ACSL1: variants seen among roughly 807,000 people sequenced by gnomAD.
The protein encoded by ACSL1 is long-chain-fatty-acid--CoA ligase 1.
A neutral mutation model predicts 98.4 loss-of-function variants in ACSL1; 41 were observed. The observed-to-expected ratio is 0.42, with a 90% CI of 0.32 to 0.54. The LOEUF (loss-of-function observed/expected upper bound fraction) is 0.54, where lower values mean the gene tolerates loss of function less well. ACSL1 is among the 20% of genes least tolerant of loss of function. The probability of loss-of-function intolerance (pLI) is 0.13; values close to 1 mark genes in which losing one functional copy is unlikely to be tolerated. For missense variants in ACSL1, 734 were observed against 883.1 expected (o/e 0.83, Z 2.14); for synonymous variants, 316 against 322.7 (o/e 0.98, Z 0.22).
At chr4:184,796,495 T>C (rs1283603398) in intron 2 of ACSL1, among the ~76,000 whole-genome samples, 2 of 152,096 alleles carry the variant, frequency 1.3e-5, no homozygotes, top group South Asian at 2.1e-4. Flanking sequence ...TTGCTAGGGG[T>C]AGAATTAAAA....
At chr4:184,769,033 C>A (rs1322422331) in intron 11 of ACSL1, among the ~76,000 whole-genome samples, 2 of 150,810 alleles carry the variant, frequency 1.3e-5, no homozygotes, top group African/African-American at 2.5e-5. Flanking sequence ...TGTGCCACTG[C>A]TCTCCAGCCT....
intron 10 of ACSL1, among the ~76,000 whole-genome samples, chr4:184,771,838 GC>G (rs57236701): frequency 0.13 from 20,062 of 152,154 alleles, 1,566 homozygotes; most frequent in Non-Finnish European, 0.17. Flanking sequence ...AAACACAGCA[GC>G]CCCAGAAGCA....
At chr4:184,806,185 G>C (rs1442796982) in intron 1 of ACSL1, among the ~76,000 whole-genome samples, 1 of 152,178 alleles carries the variant, frequency 6.6e-6, no homozygotes, top group Non-Finnish European at 1.5e-5. Context: ...AACAAGCAAG[G>C]TCTGCAAGGC....
In ACSL1 at chr4:184,773,637, A is replaced by T; in HGVS notation, c.841+26T>A. 6.2e-7 allele frequency: 1 copy of T among 1,601,574 alleles called. No individual in the cohort carries two copies. The highest frequency in any genetic ancestry group is 8.5e-7 in the Non-Finnish European group (1 of 1,174,734). ...GTCCAGACCAATGGCTGCCATATGTAGAAGCAATTCTATCTCAAAACTCAC... is the reference window on the plus strand; with the variant it reads ...GTCCAGACCAATGGCTGCCATATGTTGAAGCAATTCTATCTCAAAACTCAC... On this transcript the variant is annotated intron_variant, in intron 9 of 20. Transcript: ENST00000281455. The surrounding 1 kb of genome is among the most constrained non-coding windows in gnomAD (Gnocchi z 4.3).
intron 17 of ACSL1, among the ~76,000 whole-genome samples, 164 bp from the exon 18 acceptor site, chr4:184,760,664 A>T (rs1762732446): frequency 6.6e-6 from 1 of 152,208 alleles, no homozygotes; most frequent in Admixed American, 6.5e-5. Flanking sequence ...AGGAAAACAA[A>T]GGCTTAGAGA....
chr4:184,790,355 A>C (rs1381494983), intron 2 of ACSL1, among the ~76,000 whole-genome samples: 1 of 152,222 alleles, frequency 6.6e-6, no homozygotes, highest in Non-Finnish European at 1.5e-5. Flanking sequence ...AGTTTGGTAA[A>C]TTCCTCCCAG....
chr4:184,780,494 ACCAGACGGC>A (rs1766068398), intron 4 of ACSL1, 61 bp from the exon 5 acceptor site: 1 of 1,267,030 alleles, frequency 7.9e-7, no homozygotes, highest in Non-Finnish European at 1.1e-6. Flanking sequence ...AACAAAGCTG[ACCAGACGGC>A]AGGCTTGTAT....
At position 184,795,108 on chromosome 4, in the gene ACSL1, G is replaced by A. The variant is rs564059508; in HGVS notation, c.196-6377C>T. ...ATTGTTCCAGAAAATAGGACTGCCC[G>A]TAGAAATTTACATGCCAACCATTTG... On this transcript the variant is annotated intron_variant, in intron 2 of 20. Coordinates refer to ENST00000281455, the MANE Select transcript of ACSL1 (RefSeq NM_001995.5). Among the ~76,000 whole-genome samples the A allele has an allele frequency of 9.6e-4, 144 of 150,030 alleles. No homozygotes were observed. In the Middle Eastern group the frequency reaches 0.031, roughly 33 times the overall value.
At chr4:184,818,696 C>A (rs547204445) in intron 1 of ACSL1, among the ~76,000 whole-genome samples, 2 of 152,120 alleles carry the variant, frequency 1.3e-5, no homozygotes, top group Non-Finnish European at 2.9e-5. Flanking sequence ...CTCCCATGTG[C>A]CCAGAGCTTA....
rs1173503684 is a variant in ACSL1, at chr4:184,757,745, A to G, written c.1885-39T>C. 6.2e-7 allele frequency: 1 copy of G among 1,611,756 alleles called. No individual in the cohort carries two copies. The highest frequency in any genetic ancestry group is 8.5e-7 in the Non-Finnish European group (1 of 1,177,968). ...AAAAATAAATTACTTCCTCTGTTAGAGGTCCCTGAATATCTACAGGTACAT... is the reference window on the plus strand; with the variant it reads ...AAAAATAAATTACTTCCTCTGTTAGGGGTCCCTGAATATCTACAGGTACAT... On this transcript the variant is annotated intron_variant, in intron 19 of 20. Transcript: ENST00000281455. The surrounding 1 kb of genome is among the most constrained non-coding windows in gnomAD (Gnocchi z 4.5).
intron 11 of ACSL1, among the ~76,000 whole-genome samples, chr4:184,769,875 G>A (rs1764227572): frequency 1.3e-5 from 2 of 152,200 alleles, no homozygotes; most frequent in African/African-American, 4.8e-5. Flanking sequence ...GGGAGCCTAG[G>A]CAAAGGTCAA....
intron 3 of ACSL1, among the ~76,000 whole-genome samples, chr4:184,786,190 C>G (rs1012641718): frequency 6.6e-6 from 1 of 152,120 alleles, no homozygotes; most frequent in Non-Finnish European, 1.5e-5. Flanking sequence ...ATGTCTGTAT[C>G]GCTCACATTT....
At chr4:184,762,315 C>T (rs1762971685) in intron 17 of ACSL1, 92 bp downstream of exon 17, 3 of 1,062,354 alleles carry the variant, frequency 2.8e-6, no homozygotes, top group Non-Finnish European at 4.4e-6. Context: ...ATTCAGGGTG[C>T]CACTGCCACA....
chr4:184,811,252 G>A (rs968507880), intron 1 of ACSL1, among the ~76,000 whole-genome samples: 1 of 151,948 alleles, frequency 6.6e-6, no homozygotes, highest in African/African-American at 2.4e-5. Context: ...GGAACTTCAG[G>A]CACCCGCCAC....
intron 17 of ACSL1, among the ~76,000 whole-genome samples, chr4:184,760,996 G>A (rs7674704): frequency 6.6e-6 from 1 of 152,220 alleles, no homozygotes; most frequent in Non-Finnish European, 1.5e-5. Flanking sequence ...TGGCCCTTTG[G>A]GAAGAGTGAG....
chr4:184,763,919 A>G (rs1763209329), intron 15 of ACSL1, among the ~76,000 whole-genome samples: 1 of 152,240 alleles, frequency 6.6e-6, no homozygotes, highest in African/African-American at 2.4e-5. Flanking sequence ...TCTAGAGATC[A>G]GTATTCCAAA....
chr4:184,768,937 C>T (rs553801457), intron 11 of ACSL1, among the ~76,000 whole-genome samples: 4 of 152,062 alleles, frequency 2.6e-5, no homozygotes, highest in South Asian at 2.1e-4. Context: ...GGCTTGGTGG[C>T]GGGTGCCCAT....
intron 1 of ACSL1, among the ~76,000 whole-genome samples, chr4:184,815,563 G>A (rs1772556379): frequency 6.6e-6 from 1 of 152,166 alleles, no homozygotes; most frequent in Admixed American, 6.6e-5. Context: ...AGCTCGCAGA[G>A]GTCACAGCTA....
intron 16 of ACSL1, 82 bp from the exon 17 acceptor site, chr4:184,762,605 G>A: frequency 8.2e-7 from 1 of 1,218,588 alleles, no homozygotes; most frequent in Non-Finnish European, 1.2e-6. Flanking sequence ...GTGTACGTGT[G>A]TGTCTGCCCC....
Sources: gnomAD v4.1 joint callset for allele counts (sites outside exome capture counted in the v4.1 genomes callset) on GRCh38, gnomAD v4.1.1 for gene constraint, Gnocchi (gnomAD v3.1) non-coding constraint, MANE v1.5 for transcripts, NCBI Gene and HGNC (gene_info 2026-07-23, HGNC 2026-07-21) for gene names.